Variants in EBF1 observed in about 807,000 individuals in gnomAD.
EBF1 encodes EBF transcription factor 1, also known as transcription factor COE1.
In EBF1, 10 loss-of-function variants were observed where a neutral mutation model predicts 68.4. The observed-to-expected ratio is 0.15, with a 90% CI of 0.09 to 0.25. EBF1 has a LOEUF of 0.25. Among genes scored for constraint, EBF1 ranks in the 10% least tolerant of loss-of-function variants. The pLI is 1.00. For synonymous variants in EBF1, 298 were observed against 299.8 expected (o/e 0.99, Z 0.06); for missense variants, 509 against 794.4 (o/e 0.64, Z 4.32).
At chr5:158,831,802 T>A (rs750210802) in intron 7 of EBF1, among the ~76,000 whole-genome samples, 37 of 152,162 alleles carry the variant, frequency 2.4e-4, no homozygotes, top group Admixed American at 7.9e-4. Context: ...GTGCTCAGCC[T>A]GAAATCTGAA....
intron 10 of EBF1, among the ~76,000 whole-genome samples, chr5:158,742,302 C>G (rs1766581915): frequency 1.3e-5 from 2 of 152,322 alleles, no homozygotes; most frequent in East Asian, 3.9e-4. Flanking sequence ...TTCCCTTTGT[C>G]CCAACCGTCC....
At chr5:158,949,996 A>G (rs12515402) in intron 6 of EBF1, among the ~76,000 whole-genome samples, 1,713 of 152,308 alleles carry the variant, frequency 0.011, 39 homozygotes, top group African/African-American at 0.039. Context: ...ACGTTGTATC[A>G]CTTTTAAGCA....
At chr5:159,006,647 TAAAAAAAAAAAAA>T (rs36045942) in intron 6 of EBF1, among the ~76,000 whole-genome samples, 10 of 56,208 alleles carry the variant, frequency 1.8e-4, no homozygotes, top group Admixed American at 7.8e-4. Context: ...ATAGCCATGT[TAAAAAAAAAAAAA>T]AAAAAAAAAA....
intron 6 of EBF1, among the ~76,000 whole-genome samples, chr5:158,913,093 C>A (rs756897785): frequency 9.9e-5 from 15 of 152,186 alleles, no homozygotes; most frequent in Non-Finnish European, 1.8e-4. Context: ...AATATCTGTA[C>A]AATACAGCTT....
chr5:158,830,823 A>C (rs1787393940), intron 7 of EBF1, among the ~76,000 whole-genome samples: 1 of 152,204 alleles, frequency 6.6e-6, no homozygotes, highest in Non-Finnish European at 1.5e-5. Context: ...ACTCATTAAA[A>C]ATTATGGAGG....
At chr5:159,087,472 A>T (rs1213237751) in intron 4 of EBF1, among the ~76,000 whole-genome samples, 3 of 151,132 alleles carry the variant, frequency 2.0e-5, no homozygotes, top group Non-Finnish European at 4.4e-5. Context: ...ACATATATAC[A>T]CACACACATA....
At chr5:158,774,954 G>A (rs1479544414) in intron 10 of EBF1, among the ~76,000 whole-genome samples, 13 of 150,910 alleles carry the variant, frequency 8.6e-5, no homozygotes, top group Non-Finnish European at 1.5e-5. Context: ...TCCGATATGG[G>A]GAGAGGTTAG....
chr5:158,995,527 G>C (rs1761224135), intron 6 of EBF1, among the ~76,000 whole-genome samples: 1 of 152,188 alleles, frequency 6.6e-6, no homozygotes, highest in Non-Finnish European at 1.5e-5. Flanking sequence ...ATCTTCCAGT[G>C]CAAGAGAGGC....
intron 10 of EBF1, among the ~76,000 whole-genome samples, chr5:158,761,804 T>C (rs997831894): frequency 6.6e-6 from 1 of 152,174 alleles, no homozygotes; most frequent in Non-Finnish European, 1.5e-5. Context: ...GTGATTTCTT[T>C]AGAAAATGGG....
chr5:159,007,553 C>A (rs990133905), intron 6 of EBF1, among the ~76,000 whole-genome samples: 2 of 152,138 alleles, frequency 1.3e-5, no homozygotes, highest in Non-Finnish European at 2.9e-5. Context: ...AAATTTGGTT[C>A]GCTCTGGTTG....
intron 6 of EBF1, among the ~76,000 whole-genome samples, chr5:159,020,054 C>G (rs983153042): frequency 6.6e-6 from 1 of 151,966 alleles, no homozygotes. Context: ...GGACAATGGC[C>G]CATCTCTAAC....
chr5:158,846,681 G>A (rs1367986282), intron 6 of EBF1, among the ~76,000 whole-genome samples: 1 of 152,210 alleles, frequency 6.6e-6, no homozygotes, highest in Non-Finnish European at 1.5e-5. Flanking sequence ...GCACACAGAA[G>A]TAGTTGTAGA....
At chr5:158,717,193 A>G (rs1345507755) in intron 11 of EBF1, among the ~76,000 whole-genome samples, 2 of 152,256 alleles carry the variant, frequency 1.3e-5, no homozygotes, top group African/African-American at 4.8e-5. Context: ...TATGCCTTTT[A>G]AAATCAAATT....
intron 4 of EBF1, among the ~76,000 whole-genome samples, chr5:159,090,936 T>C (rs1405230910): frequency 6.6e-6 from 1 of 152,170 alleles, no homozygotes; most frequent in Non-Finnish European, 1.5e-5. Context: ...TCAAGGTAGG[T>C]GCTAACATTA....
At chr5:158,987,765 C>A (rs955489627) in intron 6 of EBF1, among the ~76,000 whole-genome samples, 1 of 152,104 alleles carries the variant, frequency 6.6e-6, no homozygotes, top group African/African-American at 2.4e-5. Context: ...TCTGAAGTAA[C>A]ATAAATGAAC....
intron 6 of EBF1, among the ~76,000 whole-genome samples, chr5:158,944,688 G>C (rs1403265720): frequency 6.6e-6 from 1 of 152,208 alleles, no homozygotes. Context: ...CCCACCAACA[G>C]TGTAAAAGTG....
chr5:158,770,247 G>A (rs904088864), intron 10 of EBF1, among the ~76,000 whole-genome samples: 3 of 151,832 alleles, frequency 2.0e-5, no homozygotes, highest in Non-Finnish European at 2.9e-5. Flanking sequence ...AACCCATCAA[G>A]TCCTTTCCAT....
intron 7 of EBF1, among the ~76,000 whole-genome samples, chr5:158,837,755 C>T (rs115644923): frequency 6.5e-4 from 99 of 152,288 alleles, no homozygotes; most frequent in African/African-American, 2.3e-3. Context: ...TACACGGATG[C>T]TCTTTTAGGT....
rs1318362977 is a variant in EBF1 at position 158,975,523 on chromosome 5, A to G, written c.554+97873T>C. ...AAGGAAAAAAGGAGTTGGGAGTGAA[A>G]TGAAAGACAGAGAGAGGCAGGAAAA... On this transcript the variant is annotated intron_variant, in intron 6 of 15. Transcript: ENST00000313708. Among the ~76,000 whole-genome samples, 4 of 152,202 alleles carry G rather than the reference A, an allele frequency of 2.6e-5. No homozygotes were observed. In the South Asian group the frequency reaches 8.3e-4, roughly 32 times the overall value.
Sources: gnomAD v4.1 joint callset for allele counts (sites outside exome capture counted in the v4.1 genomes callset) on GRCh38, gnomAD v4.1.1 for gene constraint, MANE v1.5 for transcripts, NCBI Gene and HGNC (gene_info 2026-07-23, HGNC 2026-07-21) for gene names.